The following TMEM204 variants were observed in gnomAD, a reference collection of about 807,000 sequenced individuals.
The protein encoded by TMEM204 is claudin-like protein 24.
A neutral mutation model predicts 19.4 loss-of-function variants in TMEM204; 15 were observed. That is an observed-to-expected ratio of 0.77 (90% CI 0.52 to 1.19). The LOEUF (loss-of-function observed/expected upper bound fraction) is 1.19, where lower values mean the gene tolerates loss of function less well. Among genes scored for constraint, TMEM204 ranks in the 50% most tolerant of loss-of-function variants. The pLI, the probability that TMEM204 is intolerant of heterozygous loss-of-function variation, is 0.00. For synonymous variants in TMEM204, 161 were observed against 146.0 expected (o/e 1.10, Z -0.74); for missense variants, 287 against 321.2 (o/e 0.89, Z 0.81).
chr16:1,540,085 G>T (rs1035500623), intron 1 of TMEM204, among the ~76,000 whole-genome samples: 1 of 152,204 alleles, frequency 6.6e-6, no homozygotes, highest in Non-Finnish European at 1.5e-5. Context: ...CCTCAGTGGC[G>T]AGGAGCAGTG....
chr16:1,539,220 A>G (rs796512968), intron 1 of TMEM204, among the ~76,000 whole-genome samples: 1 of 125,830 alleles, frequency 7.9e-6, no homozygotes, highest in African/African-American at 3.1e-5. Context: ...GCCAACGCCG[A>G]CCCAAGCCTC....
intron 2 of TMEM204, among the ~76,000 whole-genome samples, chr16:1,549,451 G>A (rs1207955380): frequency 6.6e-6 from 1 of 152,218 alleles, no homozygotes; most frequent in Non-Finnish European, 1.5e-5. Flanking sequence ...TTTGAGACTG[G>A]CTTTCGCTCT....
At chr16:1,540,996 T>C (rs1474623797) in intron 1 of TMEM204, 10 of 985,314 alleles carry the variant, frequency 1.0e-5, no homozygotes, top group Non-Finnish European at 1.2e-5. Context: ...TGGGCCCCTG[T>C]GTAAGGTTTT....
intron 1 of TMEM204, chr16:1,541,416 C>CA (rs1302687966): frequency 1.0e-6 from 1 of 985,302 alleles, no homozygotes; most frequent in African/African-American, 1.7e-5. Context: ...GGAACACCAC[C>CA]ATGAGCCGCT....
chr16:1,541,004 T>G (rs1242096479), intron 1 of TMEM204: 2 of 985,194 alleles, frequency 2.0e-6, no homozygotes, highest in African/African-American at 3.5e-5. Context: ...TGTGTAAGGT[T>G]TTATTTGCGG....
At position 1,551,329 on chromosome 16, in the gene TMEM204, GC is replaced by G. The variant is rs2032618550; in HGVS notation, c.437-3452del. Among the ~76,000 whole-genome samples the G allele has an allele frequency of 6.6e-6, 1 of 152,128 alleles. No homozygotes were observed. The highest frequency in any genetic ancestry group is 1.5e-5 in the Non-Finnish European group (1 of 68,020). ...CTCTAAGCCGAGGCCCGAAGGATCAGCAGCAGGAGGGGCCCCTCCTCCCCAG... is the reference window on the plus strand; with the variant it reads ...CTCTAAGCCGAGGCCCGAAGGATCAGAGCAGGAGGGGCCCCTCCTCCCCAG... On this transcript the variant is annotated intron_variant, in intron 2 of 2. Coordinates refer to ENST00000566264, the MANE Select transcript of TMEM204 (RefSeq NM_024600.6). The surrounding 1 kb of genome is among the most constrained non-coding windows in gnomAD (Gnocchi z 4.0).
chr16:1,550,031 C>T (rs1485517844), intron 2 of TMEM204, among the ~76,000 whole-genome samples: 6 of 152,118 alleles, frequency 3.9e-5, no homozygotes, highest in African/African-American at 1.2e-4. Flanking sequence ...TCACGGCTTA[C>T]TGCAGACTCG....
At chr16:1,540,656 G>A (rs2031544940) in intron 1 of TMEM204, 1 of 175,314 alleles carries the variant, frequency 5.7e-6, no homozygotes, top group African/African-American at 2.4e-5. Context: ...TCTGGTGTCT[G>A]TGATGGATGC....
In TMEM204 at chr16:1,534,187, C is replaced by A; in HGVS notation, c.-89C>A. 1 of 1,541,280 alleles carries A rather than the reference C, an allele frequency of 6.5e-7. No homozygotes were observed. Among genetic ancestry groups the A allele is most frequent in the Non-Finnish European group, 8.7e-7 (1 of 1,146,564 alleles). On this transcript the variant is annotated 5_prime_UTR_variant, in exon 1 of 3. Transcript: ENST00000566264. ...AGGATGAGTGGTGATGTCCTCTAGC[C>A]ACCCCTAGCAGCGTCGGCTCTCCCT...
rs568531982 is a variant in TMEM204 at position 1,551,608 on chromosome 16, G to A, written c.437-3174G>A. ...TCAGTATCCCCAGCAAGGTCACCCG[G>A]CACTGCTGCAGACACCTTGAAACGT... On this transcript the variant is annotated intron_variant, in intron 2 of 2. Transcript: ENST00000566264. The surrounding 1 kb of genome is among the most constrained non-coding windows in gnomAD (Gnocchi z 4.0). Among the ~76,000 whole-genome samples, 2 of 152,324 alleles carry A rather than the reference G, an allele frequency of 1.3e-5. No individual in the cohort carries two copies. Among genetic ancestry groups the A allele is most frequent in the Non-Finnish European group, 2.9e-5 (2 of 68,020 alleles).
rs1442709682 is a variant in TMEM204 at position 1,535,396 on chromosome 16, G to T, written c.280+841G>T. Among the ~76,000 whole-genome samples, 4 of 152,144 alleles carry T rather than the reference G, an allele frequency of 2.6e-5. No homozygotes were observed. The East Asian group carries it at 5.8e-4, about 22-fold the overall frequency. On this transcript the variant is annotated intron_variant, in intron 1 of 2. Transcript: ENST00000566264. The stretch of plus-strand genomic sequence containing the variant: ...AACAGTCACGGCACAGGGACACAAG[G>T]TCTCCCAAAGGCCGACTCTCTGAAA...
intron 2 of TMEM204, among the ~76,000 whole-genome samples, chr16:1,544,780 C>T (rs918953577): frequency 3.3e-5 from 5 of 151,782 alleles, no homozygotes; most frequent in Non-Finnish European, 7.4e-5. Flanking sequence ...TCCCGAGTAG[C>T]TGGGACTACA....
At chr16:1,546,221 C>T (rs746496637) in intron 2 of TMEM204, among the ~76,000 whole-genome samples, 16 of 152,194 alleles carry the variant, frequency 1.1e-4, no homozygotes, top group Non-Finnish European at 2.2e-4. Flanking sequence ...ACAGCATGAC[C>T]CTGGCACCTG....
At chr16:1,545,800 T>G (rs2032119710) in intron 2 of TMEM204, among the ~76,000 whole-genome samples, 1 of 152,242 alleles carries the variant, frequency 6.6e-6, no homozygotes. Flanking sequence ...ATGGGGCCTG[T>G]GCTTTTGCTC....
At chr16:1,537,178 G>A (rs975652298) in intron 1 of TMEM204, among the ~76,000 whole-genome samples, 1 of 152,206 alleles carries the variant, frequency 6.6e-6, no homozygotes, top group Non-Finnish European at 1.5e-5. Context: ...GGGTCGGGGT[G>A]GGGCAAGCCA....
chr16:1,548,763 G>C (rs527953697), intron 2 of TMEM204, among the ~76,000 whole-genome samples: 2 of 152,330 alleles, frequency 1.3e-5, no homozygotes, highest in Admixed American at 6.5e-5. Context: ...GCTTCAGAAC[G>C]GCATCCACAG....
intron 2 of TMEM204, among the ~76,000 whole-genome samples, chr16:1,543,742 T>C (rs1294496027): frequency 6.6e-6 from 1 of 152,114 alleles, no homozygotes; most frequent in Non-Finnish European, 1.5e-5. Context: ...CTCAACGAGG[T>C]ACCCAGGCTA....
At chr16:1,541,101 G>A (rs1486030000) in intron 1 of TMEM204, 2 of 985,314 alleles carry the variant, frequency 2.0e-6, no homozygotes, top group Non-Finnish European at 2.4e-6. Flanking sequence ...ACTCACAGAA[G>A]GCTCCATCTG....
rs1395030665 is a variant in TMEM204, at chr16:1,553,098, C to T, written c.437-1684C>T. 8 of 985,312 alleles carry T rather than the reference C, an allele frequency of 8.1e-6. No individual in the cohort carries two copies. The highest frequency in any genetic ancestry group is 9.6e-6 in the Non-Finnish European group (8 of 829,942). 61.0% of individuals were successfully genotyped at this position (985,312 alleles called of 1,614,324 possible). On this transcript the variant is annotated intron_variant, in intron 2 of 2. Coordinates refer to ENST00000566264, the MANE Select transcript of TMEM204 (RefSeq NM_024600.6). This position sits in a 1 kb window ranked among gnomAD's most constrained non-coding sequence, Gnocchi z 4.4. ...GAGATAGATAAATGCTTAATTCATA[C>T]TTTCTGGAGGGTACAGTGATGATGA...
Sources: gnomAD v4.1 joint callset for allele counts (sites outside exome capture counted in the v4.1 genomes callset) on GRCh38, gnomAD v4.1.1 for gene constraint, Gnocchi (gnomAD v3.1) non-coding constraint, MANE v1.5 for transcripts, NCBI Gene and HGNC (gene_info 2026-07-23, HGNC 2026-07-21) for gene names.